The following CSMD3 variants were observed in gnomAD, a reference collection of about 807,000 sequenced individuals.
CSMD3 encodes CUB and sushi domain-containing protein 3.
Under a neutral mutation model 435.2 loss-of-function variants are expected in CSMD3, and 177 were observed. That is an observed-to-expected ratio of 0.41 (90% CI 0.36 to 0.46). CSMD3 has a LOEUF of 0.46. Ranked by LOEUF, CSMD3 falls within the 20% of genes least tolerant of loss-of-function variation. CSMD3 has a pLI of 0.34. For missense variants in CSMD3, 4,265 were observed against 4,504.6 expected (o/e 0.95, Z 1.52); for synonymous variants, 1,656 against 1,520.5 (o/e 1.09, Z -2.07).
At chr8:113,240,274 T>G (rs763230690) in intron 3 of CSMD3, among the ~76,000 whole-genome samples, 7 of 152,172 alleles carry the variant, frequency 4.6e-5, no homozygotes, top group Admixed American at 1.3e-4. Context: ...GCATTTAGGT[T>G]GATTCCATGT....
intron 13 of CSMD3, among the ~76,000 whole-genome samples, chr8:112,747,073 A>C (rs1223698122): frequency 6.6e-6 from 1 of 151,894 alleles, no homozygotes; most frequent in East Asian, 1.9e-4. Context: ...ACTACCCTTA[A>C]AATTTCCATA....
At chr8:113,091,329 G>C (rs1186355081) in intron 5 of CSMD3, among the ~76,000 whole-genome samples, 1 of 152,084 alleles carries the variant, frequency 6.6e-6, no homozygotes, top group Non-Finnish European at 1.5e-5. Context: ...TTTCAGAATA[G>C]TTTGAATAGT....
chr8:112,741,621 CA>C (rs1297874608), intron 13 of CSMD3, among the ~76,000 whole-genome samples: 1 of 151,822 alleles, frequency 6.6e-6, no homozygotes, highest in East Asian at 1.9e-4. Flanking sequence ...AGGGGATAGA[CA>C]CAAACATTCA....
At position 112,304,757 on chromosome 8, in the gene CSMD3, T is replaced by C. The variant is rs1563764192; in HGVS notation, c.8230A>G (p.Thr2744Ala). 1.2e-6 allele frequency: 2 copies of C among 1,613,744 alleles called. No individual in the cohort carries two copies. Among genetic ancestry groups the C allele is most frequent in the East Asian group, 2.2e-5 (1 of 44,850 alleles). Residue 2744 changes from threonine (T) to alanine (A), a missense_variant, in exon 52 of 71, where the codon ACT becomes GCT. Transcript: ENST00000297405. ...PASIECLPNG[T>A]WSWRNERPYC... is the part of the protein sequence containing the mutation. Reference sequence around the variant, plus strand: ...GGTCTTTCATTTCTCCAACTCCAAGTACCATTAGGAAGACATTCGATGGAG... The same window carrying C: ...GGTCTTTCATTTCTCCAACTCCAAGCACCATTAGGAAGACATTCGATGGAG...
At chr8:112,990,593 T>C (rs891174655) in intron 6 of CSMD3, among the ~76,000 whole-genome samples, 1 of 151,858 alleles carries the variant, frequency 6.6e-6, no homozygotes, top group Non-Finnish European at 1.5e-5. Context: ...AGAAAATAAG[T>C]AAATAGTCCA....
chr8:112,533,562 A>C (rs1825747717), intron 27 of CSMD3, among the ~76,000 whole-genome samples: 2 of 152,074 alleles, frequency 1.3e-5, no homozygotes, highest in South Asian at 2.1e-4. Context: ...TATCAAGAGG[A>C]TATAACAATC....
intron 13 of CSMD3, among the ~76,000 whole-genome samples, chr8:112,772,948 G>A (rs781716635): frequency 1.7e-4 from 26 of 151,954 alleles, no homozygotes; most frequent in Non-Finnish European, 3.2e-4. Flanking sequence ...CCCTCTCCTG[G>A]AAACGCCCGA....
chr8:112,572,119 A>G (rs1339635061), intron 24 of CSMD3, among the ~76,000 whole-genome samples: 2 of 151,948 alleles, frequency 1.3e-5, no homozygotes, highest in East Asian at 3.9e-4. Context: ...TCATTACTCA[A>G]TATCATTACT....
intron 22 of CSMD3, among the ~76,000 whole-genome samples, chr8:112,595,240 C>T (rs1003074381): frequency 7.9e-5 from 12 of 151,538 alleles, no homozygotes; most frequent in South Asian, 6.3e-4. Context: ...GGAGTCGATG[C>T]GATCAACTGG....
At chr8:112,263,938 C>T in intron 60 of CSMD3, 126 bp from the exon 61 acceptor site, 1 of 852,274 alleles carries the variant, frequency 1.2e-6, no homozygotes, top group South Asian at 1.4e-5. Flanking sequence ...TATGTTGTGA[C>T]ATATCTTATT....
chr8:112,638,646 T>A, intron 21 of CSMD3, 50 bp downstream of exon 21: 1 of 1,089,208 alleles, frequency 9.2e-7, no homozygotes, highest in Non-Finnish European at 1.4e-6. Flanking sequence ...CTTGAAAAAT[T>A]GCTTTTTTAA....
rs754786650 is a variant in CSMD3 at position 112,682,585 on chromosome 8, C to A, written c.2534G>T (p.Arg845Leu). 6.2e-7 allele frequency: 1 copy of A among 1,613,652 alleles called. No individual in the cohort carries two copies. Among genetic ancestry groups the A allele is most frequent in the Non-Finnish European group, 8.5e-7 (1 of 1,179,652 alleles). The change falls in exon 16 of 71, where the codon CGG becomes CTG. Residue 845 changes from arginine (R) to leucine (L), a missense_variant. This residue lies in a region of CSMD3 where 279 missense variants were observed against 369.0 expected (regional missense o/e 0.76). Transcript: ENST00000297405. The stretch of plus-strand genomic sequence containing the variant: ...TCCTAATTGAAAGTTGTCCCCAAAC[C>A]GCCGTGCATTGATTGGTATTCCAGG... ...PDPGIPINARRFGDNFQLGSS... is the reference protein window; with the variant it reads ...PDPGIPINARLFGDNFQLGSS...
intron 3 of CSMD3, among the ~76,000 whole-genome samples, chr8:113,234,072 G>A (rs1433805789): frequency 3.3e-5 from 5 of 152,022 alleles, no homozygotes; most frequent in Non-Finnish European, 7.4e-5. Context: ...TCCAAAGTCT[G>A]TTACTACAAA....
chr8:112,305,856 T>C, intron 51 of CSMD3, 151 bp downstream of exon 51: 1 of 713,446 alleles, frequency 1.4e-6, no homozygotes. Context: ...AGTACTTCAT[T>C]GTACAAGATA....
At position 112,744,319 on chromosome 8, in the gene CSMD3, C is replaced by T. The variant is rs190661514; in HGVS notation, c.1973-54269G>A. On this transcript the variant is annotated intron_variant, in intron 13 of 70. Transcript: ENST00000297405. ...GATGCCTTACTCTCAAAACATAATT[C>T]CCATGCCATTTCTGGATGTAACAGT... Among the ~76,000 whole-genome samples, 3 of 152,126 alleles carry T rather than the reference C, an allele frequency of 2.0e-5. No individual in the cohort carries two copies. The East Asian group carries it at 5.8e-4, about 29-fold the overall frequency.
chr8:112,291,516 A>T lies in CSMD3; in HGVS notation c.8968T>A (p.Cys2990Ser), dbSNP rs2130675818. The T allele has an allele frequency of 6.2e-7, 1 of 1,600,684 alleles. No individual in the cohort carries two copies. The highest frequency in any genetic ancestry group is 8.6e-7 in the Non-Finnish European group (1 of 1,168,442). ...NGQWDKPLPE[C>S]IMIDCGHPGV... ...ATTCACATTATCTACTTACTGATACATTCTGGTAAAGGTTTGTCCCATTGT... is the reference window on the plus strand; with the variant it reads ...ATTCACATTATCTACTTACTGATACTTTCTGGTAAAGGTTTGTCCCATTGT... The change falls in exon 56 of 71, where the codon TGT becomes AGT. Residue 2990 changes from cysteine (C) to serine (S), a missense_variant. Around this residue, in one of 3 missense-constraint regions of CSMD3, gnomAD observed 3,255 missense variants for 3,380.2 expected, o/e 0.96. Transcript: ENST00000297405.
intron 38 of CSMD3, among the ~76,000 whole-genome samples, chr8:112,362,876 T>C (rs1443704538): frequency 6.6e-6 from 1 of 151,996 alleles, no homozygotes; most frequent in East Asian, 1.9e-4. Context: ...CGAATGGAGT[T>C]CTTAGAGATT....
chr8:113,259,855 C>T (rs2093412872), intron 3 of CSMD3, among the ~76,000 whole-genome samples: 1 of 152,048 alleles, frequency 6.6e-6, no homozygotes, highest in Non-Finnish European at 1.5e-5. Flanking sequence ...GCTGTGTCCC[C>T]ACCCAAATCT....
At chr8:112,371,231 T>C (rs902211675) in intron 38 of CSMD3, among the ~76,000 whole-genome samples, 5 of 152,286 alleles carry the variant, frequency 3.3e-5, no homozygotes, top group Middle Eastern at 3.4e-3. Flanking sequence ...GAAGCAAGAC[T>C]CCTTGCTGGT....
Sources: gnomAD v4.1 joint callset for allele counts (sites outside exome capture counted in the v4.1 genomes callset) on GRCh38, gnomAD v4.1.1 for gene constraint, gnomAD v4.1.1 regional missense constraint, MANE v1.5 for transcripts, NCBI Gene and HGNC (gene_info 2026-07-23, HGNC 2026-07-21) for gene names.